Variants in RUNX1 observed in about 807,000 individuals in gnomAD.
The protein encoded by RUNX1 is runt-related transcription factor 1.
In RUNX1, 19 loss-of-function variants were observed where a neutral mutation model predicts 42.8. That is an observed-to-expected ratio of 0.44 (90% CI 0.31 to 0.65). The LOEUF (loss-of-function observed/expected upper bound fraction) is 0.65. Ranked by LOEUF, RUNX1 falls within the 30% of genes least tolerant of loss-of-function variation. The pLI, the probability that RUNX1 is intolerant of heterozygous loss-of-function variation, is 0.07. For missense variants in RUNX1, 528 were observed against 672.0 expected (o/e 0.79, Z 2.37); for synonymous variants, 271 against 289.4 (o/e 0.94, Z 0.64).
In RUNX1 at chr21:34,977,814, G is replaced by A. The variant is rs377695261; in HGVS notation, c.58+71028C>T. On this transcript the variant is annotated intron_variant, in intron 2 of 8. Coordinates refer to ENST00000675419, the MANE Select transcript of RUNX1 (RefSeq NM_001754.5). Reference sequence around the variant, plus strand: ...ATCTTTCTTCCAACATCCTTCTAGTGTGACCTATTGCTATGTAAGGAAGGT... The same window carrying A: ...ATCTTTCTTCCAACATCCTTCTAGTATGACCTATTGCTATGTAAGGAAGGT... Among the ~76,000 whole-genome samples the A allele has an allele frequency of 3.3e-5, 5 of 152,280 alleles. No individual in the cohort carries two copies. In the South Asian group the frequency reaches 6.2e-4, roughly 19 times the overall value.
At chr21:35,004,592 C>T (rs1167675353) in intron 2 of RUNX1, among the ~76,000 whole-genome samples, 2 of 152,140 alleles carry the variant, frequency 1.3e-5, no homozygotes, top group Non-Finnish European at 2.9e-5. Flanking sequence ...TTTATCACCC[C>T]GTCCATTGTT....
chr21:35,016,733 T>C (rs1388963088), intron 2 of RUNX1, among the ~76,000 whole-genome samples: 1 of 152,098 alleles, frequency 6.6e-6, no homozygotes, highest in South Asian at 2.1e-4. Flanking sequence ...AAGACAGGAA[T>C]GCTGGGGACC....
At chr21:35,038,949 G>A in intron 2 of RUNX1, 1 of 344,830 alleles carries the variant, frequency 2.9e-6, no homozygotes, top group Non-Finnish European at 5.8e-6. Context: ...TAAGGAGCCA[G>A]GTGGGCAGGC....
intron 2 of RUNX1, among the ~76,000 whole-genome samples, chr21:34,908,334 T>C (rs538959766): frequency 6.6e-6 from 1 of 152,276 alleles, no homozygotes; most frequent in East Asian, 1.9e-4. Flanking sequence ...ATTTTTAAAT[T>C]GTATTGGAAA....
At chr21:34,812,129 A>G (rs1053607335) in intron 7 of RUNX1, among the ~76,000 whole-genome samples, 23 of 152,222 alleles carry the variant, frequency 1.5e-4, no homozygotes, top group African/African-American at 5.5e-4. Context: ...GCAAGTTTTG[A>G]ATTATTTGGA....
At chr21:34,827,851 C>G (rs578099227) in intron 7 of RUNX1, among the ~76,000 whole-genome samples, 1 of 152,326 alleles carries the variant, frequency 6.6e-6, no homozygotes, top group African/African-American at 2.4e-5. Flanking sequence ...ACCTAGATTA[C>G]GAAGGATGCC....
rs372412304 is a variant in RUNX1, at chr21:34,930,270, G to GTGTGTATA, written c.59-37308_59-37307insTATACACA. On this transcript the variant is annotated intron_variant, in intron 2 of 8. Coordinates refer to ENST00000675419, the MANE Select transcript of RUNX1 (RefSeq NM_001754.5). ...ATGTATATTATACGTGTGTGTGTAT[G>GTGTGTATA]TATATATATATATATATATATAAAT... Among the ~76,000 whole-genome samples the GTGTGTATA allele has an allele frequency of 4.3e-3, 523 of 122,960 alleles. 2 individuals are homozygous for GTGTGTATA. Among genetic ancestry groups the GTGTGTATA allele is most frequent in the African/African-American group, 6.3e-3 (168 of 26,656 alleles). The allele number at this position is 122,960 out of a possible 152,430, so 80.7% of individuals were successfully genotyped here. A position where few individuals can be genotyped will look rare whatever the true frequency, so the allele number is the denominator to read the frequency against.
chr21:34,792,749 AGGACGG>A lies in RUNX1; in HGVS notation c.968-145_968-140del. 2.4e-6 allele frequency: 2 copies of A among 819,870 alleles called. No individual in the cohort carries two copies. The highest frequency in any genetic ancestry group is 5.6e-5 in the Admixed American group (2 of 35,404). The allele number at this position is 819,870 out of a possible 1,614,324, so 50.8% of individuals were successfully genotyped here. A position where few individuals can be genotyped will look rare whatever the true frequency, so the allele number is the denominator to read the frequency against. On this transcript the variant is annotated intron_variant, in intron 8 of 8. Transcript: ENST00000675419. This position sits in a 1 kb window ranked among gnomAD's most constrained non-coding sequence, Gnocchi z 6.9. Reference sequence around the variant, plus strand: ...GCCACCCAGGATGCTACTGCTGGGGAGGACGGGGACCACCCGGGATGCTACTCCCAA... The same window carrying A: ...GCCACCCAGGATGCTACTGCTGGGGAGGACCACCCGGGATGCTACTCCCAA...
At chr21:34,879,303 CTAT>C (rs2146352089) in intron 5 of RUNX1, among the ~76,000 whole-genome samples, 1 of 152,272 alleles carries the variant, frequency 6.6e-6, no homozygotes, top group South Asian at 2.1e-4. Context: ...TTGCATTACC[CTAT>C]TATTAATATA....
intron 2 of RUNX1, among the ~76,000 whole-genome samples, chr21:34,925,732 G>T (rs2058388019): frequency 6.6e-6 from 1 of 152,186 alleles, no homozygotes. Context: ...AACAAATACA[G>T]CTAATTATAT....
At chr21:34,953,749 C>T (rs1447488287) in intron 2 of RUNX1, among the ~76,000 whole-genome samples, 1 of 152,214 alleles carries the variant, frequency 6.6e-6, no homozygotes, top group African/African-American at 2.4e-5. Flanking sequence ...AAATCCACAA[C>T]TCACTACAGT....
At chr21:34,962,340 A>G (rs1283118795) in intron 2 of RUNX1, among the ~76,000 whole-genome samples, 1 of 152,266 alleles carries the variant, frequency 6.6e-6, no homozygotes, top group East Asian at 1.9e-4. Flanking sequence ...TGAGAACTCC[A>G]CAACTAAGAG....
chr21:34,834,293 T>G (rs1442535803), intron 7 of RUNX1, 117 bp downstream of exon 7: 6 of 1,092,982 alleles, frequency 5.5e-6, no homozygotes, highest in African/African-American at 1.5e-5. Flanking sequence ...GAGGCCTTTC[T>G]CTGAGCATCA....
In RUNX1 at chr21:34,900,679, C is replaced by T. The variant is rs185390178; in HGVS notation, c.59-7716G>A. 2.2e-4 allele frequency among the ~76,000 whole-genome samples: 33 copies of T among 152,352 alleles called. 1 individual carries two copies. Among genetic ancestry groups the T allele is most frequent in the Admixed American group, 1.9e-3 (29 of 15,302 alleles). On this transcript the variant is annotated intron_variant, in intron 2 of 8. Coordinates refer to ENST00000675419, the MANE Select transcript of RUNX1 (RefSeq NM_001754.5). Reference sequence around the variant, plus strand: ...TCACACATTGTTCATTTCCACTTAACATTCACCAGTCATGCATGCCTCAGC... The same window carrying T: ...TCACACATTGTTCATTTCCACTTAATATTCACCAGTCATGCATGCCTCAGC...
At chr21:34,924,355 A>C (rs2058376874) in intron 2 of RUNX1, among the ~76,000 whole-genome samples, 1 of 152,204 alleles carries the variant, frequency 6.6e-6, no homozygotes, top group Non-Finnish European at 1.5e-5. Flanking sequence ...TTAATACTCA[A>C]TAGCTACAAG....
At chr21:34,800,298 G>A (rs1354392048) in intron 7 of RUNX1, among the ~76,000 whole-genome samples, 1 of 152,182 alleles carries the variant, frequency 6.6e-6, no homozygotes, top group Non-Finnish European at 1.5e-5. Context: ...CATACTGTTT[G>A]CAGATGAAAA....
rs2059192645 is a variant in RUNX1 at position 35,020,761 on chromosome 21, A to G, written c.58+28081T>C. Among the ~76,000 whole-genome samples, 3 of 149,616 alleles carry G rather than the reference A, an allele frequency of 2.0e-5. No individual in the cohort carries two copies. The South Asian group carries it at 6.5e-4, about 32-fold the overall frequency. On this transcript the variant is annotated intron_variant, in intron 2 of 8. Transcript: ENST00000675419. The stretch of plus-strand genomic sequence containing the variant: ...TGCAAGTGAGAATCTTGATTAGAAA[A>G]CCCCCAAATAACTAAATAAATGAAG...
At position 34,873,665 on chromosome 21, in the gene RUNX1, G is replaced by A. The variant is rs1023339; in HGVS notation, c.508+6892C>T. On this transcript the variant is annotated intron_variant, in intron 5 of 8. Coordinates refer to ENST00000675419, the MANE Select transcript of RUNX1 (RefSeq NM_001754.5). Reference sequence around the variant, plus strand: ...CTGCCTGACACCTTCATTGGAGAACGTTCGGTGATGTCAAATGGAGCTCCT... The same window carrying A: ...CTGCCTGACACCTTCATTGGAGAACATTCGGTGATGTCAAATGGAGCTCCT... Among the ~76,000 whole-genome samples the A allele has an allele frequency of 4.2e-3, 638 of 152,320 alleles. 12 individuals carry two copies. The East Asian group carries it at 0.067, about 16-fold the overall frequency.
chr21:34,948,334 A>G (rs975469021), intron 2 of RUNX1, among the ~76,000 whole-genome samples: 1 of 152,050 alleles, frequency 6.6e-6, no homozygotes, highest in Admixed American at 6.5e-5. Flanking sequence ...GGATCAGTCC[A>G]TCTCTGCCCC....
Sources: allele counts gnomAD v4.1 joint callset (sites outside exome capture counted in the v4.1 genomes callset), GRCh38; gene constraint gnomAD v4.1.1; non-coding constraint Gnocchi (gnomAD v3.1); transcripts MANE v1.5; gene names NCBI Gene and HGNC (gene_info 2026-07-23, HGNC 2026-07-21).